Variants in NIPAL1 observed in about 807,000 individuals in gnomAD.
The protein encoded by NIPAL1 is magnesium transporter NIPA3.
A neutral mutation model predicts 37.7 loss-of-function variants in NIPAL1; 35 were observed. That is an observed-to-expected ratio of 0.93 (90% CI 0.71 to 1.23). The LOEUF is 1.23. NIPAL1 is among the 50% of genes most tolerant of loss of function. The pLI, the probability that NIPAL1 is intolerant of heterozygous loss-of-function variation, is 0.00. For missense variants in NIPAL1, 412 were observed against 473.9 expected (o/e 0.87, Z 1.21); for synonymous variants, 162 against 183.0 (o/e 0.89, Z 0.93).
intron 2 of NIPAL1, among the ~76,000 whole-genome samples, chr4:48,028,412 A>G (rs1715739580): frequency 6.6e-6 from 1 of 152,276 alleles, no homozygotes; most frequent in East Asian, 1.9e-4. Context: ...CTGACCATAT[A>G]CAAAAACCTA....
At chr4:48,034,744 G>C in intron 4 of NIPAL1, 137 bp from the exon 5 acceptor site, 1 of 625,996 alleles carries the variant, frequency 1.6e-6, no homozygotes, top group Non-Finnish European at 2.8e-6. Flanking sequence ...CCAATCTAGG[G>C]TTTCAGTGTC....
chr4:48,028,619 A>G (rs1453159267), intron 2 of NIPAL1, among the ~76,000 whole-genome samples: 1 of 152,142 alleles, frequency 6.6e-6, no homozygotes, highest in Non-Finnish European at 1.5e-5. Context: ...AAAATAATCA[A>G]CAGGGTGAAA....
chr4:48,037,951 AG>A lies in NIPAL1; in HGVS notation c.*1780del, dbSNP rs1242442421. The A allele has an allele frequency of 6.6e-6, 1 of 152,038 alleles. No homozygotes were observed. Among genetic ancestry groups the A allele is most frequent in the African/African-American group, 2.4e-5 (1 of 41,424 alleles). 9.4% of individuals were successfully genotyped at this position (152,038 alleles called of 1,614,324 possible). On this transcript the variant is annotated 3_prime_UTR_variant, in exon 6 of 6. Transcript: ENST00000295461. ...TCATTAAAAAAAAAAAAATTCAGGT[AG>A]ACTGAATGTTTTTCTGCTCTAACCT...
chr4:48,035,153 G>T, intron 5 of NIPAL1, 112 bp downstream of exon 5: 1 of 896,790 alleles, frequency 1.1e-6, no homozygotes, highest in African/African-American at 1.7e-5. Context: ...GCCGCATTGT[G>T]GGTTGTGAGA....
At chr4:48,030,220 A>G (rs764229360) in intron 3 of NIPAL1, 44 bp downstream of exon 3, 1 of 1,170,012 alleles carries the variant, frequency 8.5e-7, no homozygotes, top group Admixed American at 1.7e-5. Context: ...GTAAGATAGT[A>G]AATAGATTAC....
At chr4:48,024,710 T>C (rs1315062999) in intron 1 of NIPAL1, among the ~76,000 whole-genome samples, 2 of 152,138 alleles carry the variant, frequency 1.3e-5, no homozygotes, top group Non-Finnish European at 2.9e-5. Context: ...ATGGGCTGTG[T>C]TGAACTGTTG....
At chr4:48,024,357 C>T (rs1267477461) in intron 1 of NIPAL1, among the ~76,000 whole-genome samples, 1 of 151,894 alleles carries the variant, frequency 6.6e-6, no homozygotes, top group Non-Finnish European at 1.5e-5. Flanking sequence ...CAGCTCGCTG[C>T]AGCTTCATCC....
chr4:48,017,251 C>T (rs1005579966), intron 1 of NIPAL1, among the ~76,000 whole-genome samples: 5 of 152,184 alleles, frequency 3.3e-5, no homozygotes, highest in African/African-American at 1.2e-4. Flanking sequence ...ACTCAGGCTC[C>T]CTTCCAGAGT....
At chr4:48,033,494 T>G (rs1715864604) in intron 4 of NIPAL1, among the ~76,000 whole-genome samples, 1 of 152,196 alleles carries the variant, frequency 6.6e-6, no homozygotes, top group Non-Finnish European at 1.5e-5. Flanking sequence ...AAATCTCTCA[T>G]CAGAACAAAT....
Position 48,034,867 on chromosome 4 carries a change from TTC to T in NIPAL1, c.462-9_462-8del. On this transcript the variant is annotated splice_polypyrimidine_tract_variant and intron_variant, in intron 4 of 5. Transcript: ENST00000295461. ...TTGAGCTATAGTGATTTTTAATTTT[TTC>T]TCTCCCAACAGTGCAATATTATCTT... is the stretch of plus-strand genomic sequence containing the variant. 6.2e-7 allele frequency: 1 copy of T among 1,604,052 alleles called. No homozygotes were observed. The highest frequency in any genetic ancestry group is 8.5e-7 in the Non-Finnish European group (1 of 1,173,788).
chr4:48,035,522 G>T, intron 5 of NIPAL1, 40 bp from the exon 6 acceptor site: 1 of 1,572,570 alleles, frequency 6.4e-7, no homozygotes, highest in South Asian at 1.2e-5. Context: ...ATAATCCTGT[G>T]AGCATTTTCT....
intron 1 of NIPAL1, among the ~76,000 whole-genome samples, chr4:48,019,013 T>C (rs1715514457): frequency 6.6e-6 from 1 of 152,186 alleles, no homozygotes; most frequent in Non-Finnish European, 1.5e-5. Context: ...TTTCATACTT[T>C]GGTTTTGACT....
Position 48,021,131 on chromosome 4 carries a change from C to T in NIPAL1, c.47-3937C>T, listed in dbSNP as rs186284786. Reference sequence around the variant, plus strand: ...TACTTGGCCCTGGTTTTAGCAGTTACATAACTTTGGCCAGTGTCACTTAAT... The same window carrying T: ...TACTTGGCCCTGGTTTTAGCAGTTATATAACTTTGGCCAGTGTCACTTAAT... On this transcript the variant is annotated intron_variant, in intron 1 of 5. Coordinates refer to ENST00000295461, the MANE Select transcript of NIPAL1 (RefSeq NM_207330.3). Among the ~76,000 whole-genome samples, 726 of 152,256 alleles carry T rather than the reference C, an allele frequency of 4.8e-3. 4 individuals are homozygous for T. The highest frequency in any genetic ancestry group is 0.017 in the African/African-American group (711 of 41,544).
At position 48,037,524 on chromosome 4, in the gene NIPAL1, G is replaced by A. The variant is rs916309984; in HGVS notation, c.*1352G>A. On this transcript the variant is annotated 3_prime_UTR_variant, in exon 6 of 6. Coordinates refer to ENST00000295461, the MANE Select transcript of NIPAL1 (RefSeq NM_207330.3). Reference sequence around the variant, plus strand: ...ATCCCTAAAGAGTGAGTTTTCCACAGACTGTTTGGAAGCAACTAGAAAAAT... The same window carrying A: ...ATCCCTAAAGAGTGAGTTTTCCACAAACTGTTTGGAAGCAACTAGAAAAAT... 2 of 164,876 alleles carry A rather than the reference G, an allele frequency of 1.2e-5. No individual in the cohort carries two copies. The highest frequency in any genetic ancestry group is 6.2e-5 in the Admixed American group (1 of 16,208). 10.2% of individuals were successfully genotyped at this position (164,876 alleles called of 1,614,324 possible).
At chr4:48,031,750 T>G (rs1181880724) in intron 3 of NIPAL1, among the ~76,000 whole-genome samples, 2 of 152,110 alleles carry the variant, frequency 1.3e-5, no homozygotes, top group Non-Finnish European at 2.9e-5. Flanking sequence ...CTGCCACGGT[T>G]TTTTTTAGAC....
At position 48,035,694 on chromosome 4, in the gene NIPAL1, C is replaced by A. The variant is rs761847947; in HGVS notation, c.755C>A (p.Ser252Tyr). The change falls in exon 6 of 6, where the codon TCT becomes TAT. Residue 252 changes from serine (S) to tyrosine (Y), a missense_variant. By Grantham distance (144) the Ser-to-Tyr change is moderately radical. Transcript: ENST00000295461. ...TCCTTGATTGGAGCGTTTTCAGTTTCTTCTGTGAAAGGCCTGGGAATTGCC... is the reference window on the plus strand; with the variant it reads ...TCCTTGATTGGAGCGTTTTCAGTTTATTCTGTGAAAGGCCTGGGAATTGCC... ...ICSLIGAFSV[S>Y]SVKGLGIAIK... 2 of 1,614,020 alleles carry A rather than the reference C, an allele frequency of 1.2e-6. No individual in the cohort carries two copies. Among genetic ancestry groups the A allele is most frequent in the Non-Finnish European group, 1.7e-6 (2 of 1,179,980 alleles).
chr4:48,035,824 C>A lies in NIPAL1; in HGVS notation c.885C>A (p.Asn295Lys), dbSNP rs760404270. The A allele has an allele frequency of 1.2e-6, 2 of 1,614,182 alleles. No individual in the cohort carries two copies. Among genetic ancestry groups the A allele is most frequent in the Non-Finnish European group, 1.7e-6 (2 of 1,180,006 alleles). Residue 295 changes from asparagine (N) to lysine (K), a missense_variant, in exon 6 of 6, where the codon AAC becomes AAA. By Grantham distance (94) the Asn-to-Lys change is moderately conservative. Coordinates refer to ENST00000295461, the MANE Select transcript of NIPAL1 (RefSeq NM_207330.3). ...TAACTACACAGATTAACTATCTCAA[C>A]AAGGCACTGGACACCTTTAATACCT... Reference protein sequence around the residue: ...LSVTTQINYLNKALDTFNTSL... With the variant: ...LSVTTQINYLKKALDTFNTSL...
chr4:48,036,402 CA>C lies in NIPAL1; in HGVS notation c.*233del. 2 of 474,108 alleles carry C rather than the reference CA, an allele frequency of 4.2e-6. No individual in the cohort carries two copies. Among genetic ancestry groups the C allele is most frequent in the South Asian group, 5.3e-5 (2 of 37,818 alleles). 29.4% of individuals were successfully genotyped at this position (474,108 alleles called of 1,614,324 possible). On this transcript the variant is annotated 3_prime_UTR_variant, in exon 6 of 6. Coordinates refer to ENST00000295461, the MANE Select transcript of NIPAL1 (RefSeq NM_207330.3). ...AATACTCTCTAAGGATCAAAGAAGT[CA>C]AAGAGCTATGTGTGTCTCAGAATAA...
In NIPAL1 at chr4:48,036,639, G is replaced by C. The variant is rs1284854024; in HGVS notation, c.*467G>C. On this transcript the variant is annotated 3_prime_UTR_variant, in exon 6 of 6. Transcript: ENST00000295461. The stretch of plus-strand genomic sequence containing the variant: ...ATGTAATTTCTCATATTAAAACTGA[G>C]AAGAGAGGCCAGGCATGGTGGTTCA... 1 of 159,024 alleles carries C rather than the reference G, an allele frequency of 6.3e-6. No homozygotes were observed. Among genetic ancestry groups the C allele is most frequent in the African/African-American group, 2.4e-5 (1 of 41,488 alleles). The allele number at this position is 159,024 out of a possible 1,614,324, so 9.9% of individuals were successfully genotyped here.
Sources: allele counts gnomAD v4.1 joint callset (sites outside exome capture counted in the v4.1 genomes callset), GRCh38; gene constraint gnomAD v4.1.1; transcripts MANE v1.5; gene names NCBI Gene and HGNC (gene_info 2026-07-23, HGNC 2026-07-21).